Variants in LAMA2 observed in about 807,000 individuals in gnomAD.
LAMA2 encodes the protein laminin subunit alpha 2, also known as laminin subunit alpha-2.
Under a neutral mutation model 364.8 loss-of-function variants are expected in LAMA2, and 269 were observed. The ratio of observed to expected loss-of-function variants is 0.74; its 90% CI spans 0.67 to 0.82. LAMA2 has a LOEUF of 0.82. Among genes scored for constraint, LAMA2 ranks in the 40% least tolerant of loss-of-function variants. The pLI, the probability that LAMA2 is intolerant of heterozygous loss-of-function variation, is 0.00. For missense variants in LAMA2, 3,807 were observed against 3,873.2 expected (o/e 0.98, Z 0.45); for synonymous variants, 1,379 against 1,370.6 (o/e 1.01, Z -0.14).
intron 1 of LAMA2, among the ~76,000 whole-genome samples, chr6:129,047,831 T>G (rs780015196): frequency 4.4e-4 from 67 of 152,252 alleles, no homozygotes; most frequent in Non-Finnish European, 3.4e-4. Context: ...CTAATTTACT[T>G]TCTTTTTTAA....
intron 1 of LAMA2, among the ~76,000 whole-genome samples, chr6:128,997,899 G>C (rs1396108829): frequency 1.3e-5 from 2 of 152,172 alleles, no homozygotes; most frequent in African/African-American, 4.8e-5. Flanking sequence ...AAGATAAAAG[G>C]AGTTGAGGTT....
chr6:129,303,795 T>G (rs1280232601), intron 22 of LAMA2, among the ~76,000 whole-genome samples: 2 of 152,190 alleles, frequency 1.3e-5, no homozygotes, highest in Non-Finnish European at 2.9e-5. Flanking sequence ...TTTAAAATTA[T>G]GTTGAATCCT....
intron 17 of LAMA2, among the ~76,000 whole-genome samples, chr6:129,277,847 T>A (rs188491109): frequency 6.6e-6 from 1 of 152,212 alleles, no homozygotes; most frequent in Non-Finnish European, 1.5e-5. Context: ...CTTTTACTTA[T>A]GTTGGTTTTA....
At chr6:129,412,095 G>A (rs1780566254) in intron 40 of LAMA2, among the ~76,000 whole-genome samples, 1 of 151,858 alleles carries the variant, frequency 6.6e-6, no homozygotes, top group Non-Finnish European at 1.5e-5. Flanking sequence ...GACAATATTC[G>A]AGTTCTCCAG....
chr6:128,950,193 T>C (rs1780725398), intron 1 of LAMA2, among the ~76,000 whole-genome samples: 1 of 152,020 alleles, frequency 6.6e-6, no homozygotes, highest in East Asian at 1.9e-4. Context: ...TGAGATAACA[T>C]GATGTGAGCT....
chr6:129,196,500 G>A (rs1466020900), intron 12 of LAMA2, among the ~76,000 whole-genome samples: 1 of 152,146 alleles, frequency 6.6e-6, no homozygotes, highest in Non-Finnish European at 1.5e-5. Context: ...ATTTGTGGGA[G>A]TTGAAAGATG....
chr6:129,240,222 G>A (rs1407341873), intron 12 of LAMA2, among the ~76,000 whole-genome samples: 1 of 152,178 alleles, frequency 6.6e-6, no homozygotes, highest in African/African-American at 2.4e-5. Flanking sequence ...GCTGGCAGCT[G>A]ATTAAATGGT....
rs1463440072 is a variant in LAMA2, at chr6:129,374,133, C to G, written c.4959+4143C>G. Among the ~76,000 whole-genome samples, 5 of 152,178 alleles carry G rather than the reference C, an allele frequency of 3.3e-5. No homozygotes were observed. The East Asian group carries it at 9.6e-4, about 29-fold the overall frequency. On this transcript the variant is annotated intron_variant, in intron 34 of 64. Transcript: ENST00000421865. ...ATCTTCCATGCAGACCATAAATACT[C>G]AAGTCAACATGACCAATTCTCTCTT...
At chr6:129,318,763 T>C (rs992087299) in intron 27 of LAMA2, among the ~76,000 whole-genome samples, 60 of 152,370 alleles carry the variant, frequency 3.9e-4, no homozygotes, top group African/African-American at 1.3e-3. Context: ...CAGATTACAA[T>C]GCTAGCAAAG....
chr6:128,959,911 A>C (rs948855061), intron 1 of LAMA2, among the ~76,000 whole-genome samples: 7 of 151,958 alleles, frequency 4.6e-5, no homozygotes, highest in African/African-American at 1.7e-4. Flanking sequence ...TTCTAAATTA[A>C]TAAATTATAA....
chr6:128,988,474 A>G (rs1019141571), intron 1 of LAMA2, among the ~76,000 whole-genome samples: 2 of 152,188 alleles, frequency 1.3e-5, no homozygotes, highest in Non-Finnish European at 2.9e-5. Flanking sequence ...GTTATTTTCT[A>G]TTGAACAAAA....
chr6:129,229,540 A>G (rs920917665), intron 12 of LAMA2, among the ~76,000 whole-genome samples: 4 of 152,176 alleles, frequency 2.6e-5, no homozygotes, highest in African/African-American at 9.7e-5. Context: ...ACATGTAATG[A>G]TCTGAGTTAT....
At chr6:129,440,695 G>A (rs913598529) in intron 42 of LAMA2, 121 bp from the exon 43 acceptor site, 1 of 881,386 alleles carries the variant, frequency 1.1e-6, no homozygotes, top group Admixed American at 1.8e-5. Flanking sequence ...ACAAAGTTCA[G>A]CCTTTTCCCT....
At chr6:129,421,802 C>T (rs1781087764) in intron 40 of LAMA2, among the ~76,000 whole-genome samples, 2 of 152,162 alleles carry the variant, frequency 1.3e-5, no homozygotes, top group South Asian at 4.2e-4. Context: ...ATGTCTTTTC[C>T]TCCAAATCTC....
intron 1 of LAMA2, among the ~76,000 whole-genome samples, chr6:129,048,100 T>C (rs1787662171): frequency 6.6e-6 from 1 of 152,204 alleles, no homozygotes; most frequent in Admixed American, 6.5e-5. Context: ...ATGTTTTGTG[T>C]AGCAAATCAT....
chr6:129,165,414 T>C (rs1449567099), intron 8 of LAMA2, among the ~76,000 whole-genome samples, 162 bp from the exon 9 acceptor site: 2 of 152,166 alleles, frequency 1.3e-5, no homozygotes, highest in African/African-American at 2.4e-5. Flanking sequence ...AAGAACTGGA[T>C]TTTAGAAATT....
intron 58 of LAMA2, among the ~76,000 whole-genome samples, chr6:129,494,137 T>A (rs1785028077): frequency 1.3e-5 from 2 of 152,222 alleles, no homozygotes; most frequent in Non-Finnish European, 2.9e-5. Context: ...ATGGTCACAG[T>A]CACTACACTC....
At chr6:129,283,317 T>C (rs1038140503) in intron 18 of LAMA2, among the ~76,000 whole-genome samples, 7 of 152,136 alleles carry the variant, frequency 4.6e-5, no homozygotes, top group Non-Finnish European at 1.0e-4. Context: ...ACTGTTGAGC[T>C]AAAAGTGAGT....
intron 28 of LAMA2, among the ~76,000 whole-genome samples, chr6:129,321,458 A>G (rs532948219): frequency 6.6e-6 from 1 of 152,232 alleles, no homozygotes; most frequent in African/African-American, 2.4e-5. Flanking sequence ...CGCAGACCCC[A>G]CAGTCTGAAG....
Sources: allele counts gnomAD v4.1 joint callset (sites outside exome capture counted in the v4.1 genomes callset), GRCh38; gene constraint gnomAD v4.1.1; transcripts MANE v1.5; gene names NCBI Gene and HGNC (gene_info 2026-07-23, HGNC 2026-07-21).